Variants in OCIAD1 observed in about 807,000 individuals in gnomAD.
The protein encoded by OCIAD1 is OCIA domain-containing protein 1.
A neutral mutation model predicts 38.9 loss-of-function variants in OCIAD1; 29 were observed. The ratio of observed to expected loss-of-function variants is 0.74; its 90% confidence interval spans 0.55 to 1.02. The LOEUF (loss-of-function observed/expected upper bound fraction) is 1.02, where lower values mean the gene tolerates loss of function less well. OCIAD1 is among the 50% of genes least tolerant of loss of function. The pLI is 0.00. For synonymous variants in OCIAD1, 110 were observed against 92.0 expected, an observed-to-expected ratio of 1.20 and a Z score of -1.12; for missense variants, 288 against 289.6, an observed-to-expected ratio of 0.99 and a Z score of 0.04.
At chr4:48,828,242 AAAG>A (rs1033176926), upstream of OCIAD1, among the ~76,000 whole-genome samples, 5 of 150,646 alleles carry the variant, frequency 3.3e-5, no homozygotes, top group African/African-American at 1.2e-4. Flanking sequence ...GTGTCTAGCT[AAAG>A]GATTGTAAAT....
intron 1 of OCIAD1, among the ~76,000 whole-genome samples, chr4:48,808,051 C>T (rs968751705): frequency 2.0e-5 from 3 of 152,230 alleles, no homozygotes; most frequent in Admixed American, 1.3e-4. Flanking sequence ...TACTCAGTGT[C>T]ATAGAGCTAG....
At chr4:48,839,586 C>T (rs926303287) in intron 3 of OCIAD1, among the ~76,000 whole-genome samples, 2 of 152,060 alleles carry the variant, frequency 1.3e-5, no homozygotes, top group Non-Finnish European at 2.9e-5. Context: ...CTGCCTAGCT[C>T]ATGAAATTAT....
At chr4:48,842,319 A>G (rs1778608688) in intron 3 of OCIAD1, among the ~76,000 whole-genome samples, 1 of 152,174 alleles carries the variant, frequency 6.6e-6, no homozygotes. Flanking sequence ...CTTACTTCAG[A>G]AGTAATTTTG....
chr4:48,813,030 G>A (rs1307747591), intron 1 of OCIAD1, among the ~76,000 whole-genome samples: 1 of 152,146 alleles, frequency 6.6e-6, no homozygotes, highest in African/African-American at 2.4e-5. Context: ...AGAGCTGTGT[G>A]TGTCATAGAG....
intron 1 of OCIAD1, chr4:48,831,610 G>A: frequency 1.7e-6 from 2 of 1,206,828 alleles, no homozygotes; most frequent in Middle Eastern, 4.4e-4. Flanking sequence ...ATTGTCTTAA[G>A]CGCCGTGTCA....
intron 3 of OCIAD1, among the ~76,000 whole-genome samples, chr4:48,837,683 G>T (rs1371152268): frequency 1.4e-5 from 2 of 146,228 alleles, no homozygotes; most frequent in Non-Finnish European, 3.0e-5. Flanking sequence ...AGATTATATA[G>T]AGTAGATAGG....
chr4:48,822,512 A>C (rs1190457019), intron 1 of OCIAD1, among the ~76,000 whole-genome samples: 2 of 152,238 alleles, frequency 1.3e-5, no homozygotes, highest in African/African-American at 2.4e-5. Context: ...AAAACACAAA[A>C]GTAATCACAA....
intron 3 of OCIAD1, among the ~76,000 whole-genome samples, chr4:48,835,167 C>T (rs932838527): frequency 6.6e-6 from 1 of 152,160 alleles, no homozygotes; most frequent in African/African-American, 2.4e-5. Flanking sequence ...CTCCTGACCT[C>T]AGTTGATTCA....
intron 7 of OCIAD1, among the ~76,000 whole-genome samples, chr4:48,855,257 G>A (rs1298965285): frequency 6.6e-6 from 1 of 152,148 alleles, no homozygotes; most frequent in Admixed American, 6.5e-5. Flanking sequence ...AGAACCCAAG[G>A]TTCCTGAAGT....
At chr4:48,842,829 G>A (rs1410741922) in intron 4 of OCIAD1, 140 bp downstream of exon 4, 4 of 548,044 alleles carry the variant, frequency 7.3e-6, no homozygotes, top group Admixed American at 8.1e-5. Flanking sequence ...GAATTTAAAC[G>A]TTTTATCTCT....
At chr4:48,826,296 C>T (rs1777249991), upstream of OCIAD1, among the ~76,000 whole-genome samples, 1 of 152,060 alleles carries the variant, frequency 6.6e-6, no homozygotes, top group African/African-American at 2.4e-5. Flanking sequence ...AATGCGATCC[C>T]TCCTCCCTCC....
chr4:48,811,253 G>A (rs553571504), intron 1 of OCIAD1, among the ~76,000 whole-genome samples: 182 of 152,196 alleles, frequency 1.2e-3, no homozygotes, highest in African/African-American at 4.1e-3. Flanking sequence ...TGGCCTCCAC[G>A]TCTTGTTTCA....
intron 3 of OCIAD1, among the ~76,000 whole-genome samples, chr4:48,837,518 C>T (rs976985424): frequency 7.2e-5 from 11 of 151,942 alleles, no homozygotes; most frequent in African/African-American, 2.2e-4. Context: ...GTCTCGAGCT[C>T]CTGACCTTGT....
chr4:48,828,978 A>G (rs191746717), upstream of OCIAD1, among the ~76,000 whole-genome samples: 2 of 152,358 alleles, frequency 1.3e-5, no homozygotes, highest in African/African-American at 2.4e-5. Context: ...ACTTTGCTTT[A>G]AAGTTGGTGC....
At chr4:48,860,637 A>G (rs962772409) in intron 8 of OCIAD1, 88 bp from the exon 9 acceptor site, 14 of 1,005,184 alleles carry the variant, frequency 1.4e-5, no homozygotes, top group South Asian at 6.7e-5. Context: ...AGAGAGAAAC[A>G]TAACTTTTCA....
chr4:48,811,722 G>A (rs915141834), intron 1 of OCIAD1, among the ~76,000 whole-genome samples: 5 of 152,162 alleles, frequency 3.3e-5, no homozygotes, highest in Admixed American at 1.3e-4. Context: ...TCCAATAGGA[G>A]TCACAAAGAA....
chr4:48,819,120 G>A (rs1777167205), intron 1 of OCIAD1, among the ~76,000 whole-genome samples: 1 of 151,948 alleles, frequency 6.6e-6, no homozygotes, highest in African/African-American at 2.4e-5. Flanking sequence ...GACACATAAT[G>A]GTCAGATTCT....
At chr4:48,821,482 A>G (rs1579036148) in intron 1 of OCIAD1, among the ~76,000 whole-genome samples, 2 of 152,172 alleles carry the variant, frequency 1.3e-5, no homozygotes, top group South Asian at 4.1e-4. Flanking sequence ...TCCCTTTGAA[A>G]ACCAGCACAA....
chr4:48,819,409 G>A (rs1777169538), intron 1 of OCIAD1, among the ~76,000 whole-genome samples: 1 of 151,934 alleles, frequency 6.6e-6, no homozygotes, highest in Admixed American at 6.6e-5. Flanking sequence ...CACTAAATAT[G>A]GAAAGGAAAA....
Sources: gnomAD v4.1 joint callset for allele counts (sites outside exome capture counted in the v4.1 genomes callset) on GRCh38, gnomAD v4.1.1 for gene constraint, MANE v1.5 for transcripts, NCBI Gene and HGNC (gene_info 2026-07-23, HGNC 2026-07-21) for gene names.